UBE2L3: variants seen among roughly 807,000 people sequenced by gnomAD.
UBE2L3 encodes ubiquitin-conjugating enzyme E2 L3.
Under a neutral mutation model 17.8 loss-of-function variants are expected in UBE2L3, and 1 was observed. The ratio of observed to expected loss-of-function variants is 0.06; its 90% CI spans 0.02 to 0.27. The LOEUF (loss-of-function observed/expected upper bound fraction) is 0.27. Among genes scored for constraint, UBE2L3 ranks in the 10% least tolerant of loss-of-function variants. The probability of loss-of-function intolerance (pLI) is 1.00; values close to 1 mark genes in which losing one functional copy is unlikely to be tolerated. For missense variants in UBE2L3, 40 were observed against 192.6 expected (o/e 0.21, Z 4.69); for synonymous variants, 44 against 68.5 (o/e 0.64, Z 1.76).
intron 2 of UBE2L3, among the ~76,000 whole-genome samples, chr22:21,595,862 T>A (rs1429036927): frequency 6.6e-6 from 1 of 152,112 alleles, no homozygotes; most frequent in Non-Finnish European, 1.5e-5. Flanking sequence ...TCAGCCTTTT[T>A]TCATGCAGTT....
rs1206872020 is a variant in UBE2L3 at position 21,557,053 on chromosome 22, C to CA, written c.201+7413dup. On this transcript the variant is annotated intron_variant, in intron 1 of 3. Transcript: ENST00000458578. ...TGGGCAACAGAGTGAGAGTCTGAGTCAAAAAAAAAAGAAAAAAAAATTAAC... is the reference window on the plus strand; with the variant it reads ...TGGGCAACAGAGTGAGAGTCTGAGTCAAAAAAAAAAAGAAAAAAAAATTAAC... Among the ~76,000 whole-genome samples, 206 of 147,092 alleles carry CA rather than the reference C, an allele frequency of 1.4e-3. 1 individual carries two copies. Among genetic ancestry groups the CA allele is most frequent in the African/African-American group, 3.7e-3 (145 of 39,638 alleles).
intron 1 of UBE2L3, among the ~76,000 whole-genome samples, chr22:21,573,783 C>T (rs1254438297): frequency 2.6e-5 from 4 of 152,172 alleles, no homozygotes; most frequent in East Asian, 1.9e-4. Flanking sequence ...GACCTTGTGC[C>T]GTCCCGCTTT....
chr22:21,574,373 T>C (rs1393110387), intron 1 of UBE2L3, among the ~76,000 whole-genome samples: 1 of 152,190 alleles, frequency 6.6e-6, no homozygotes, highest in East Asian at 1.9e-4. Context: ...TTAAATGAGT[T>C]AATATATACC....
chr22:21,616,930 G>A (rs370919844), intron 3 of UBE2L3, among the ~76,000 whole-genome samples: 7 of 151,990 alleles, frequency 4.6e-5, no homozygotes. Context: ...GAACAAAAGG[G>A]CCAGGCACGG....
chr22:21,581,962 C>A (rs1426647216), intron 1 of UBE2L3, among the ~76,000 whole-genome samples: 60 of 144,564 alleles, frequency 4.2e-4, no homozygotes, highest in African/African-American at 1.3e-3. Context: ...AAAAAAAAAA[C>A]AAAAATAATT....
intron 1 of UBE2L3, among the ~76,000 whole-genome samples, chr22:21,577,113 C>G (rs372088871): frequency 3.9e-5 from 6 of 151,944 alleles, no homozygotes; most frequent in African/African-American, 1.5e-4. Flanking sequence ...GGACTACAGG[C>G]GCTCGCCACT....
Position 21,582,478 on chromosome 22 carries a change from C to T in UBE2L3, c.28-10383C>T, listed in dbSNP as rs556104529. Among the ~76,000 whole-genome samples, 7 of 151,906 alleles carry T rather than the reference C, an allele frequency of 4.6e-5. No homozygotes were observed. In the South Asian group the frequency reaches 1.5e-3, roughly 32 times the overall value. ...AGGCTGTTCTCCTACCTCAGCCTCC[C>T]AAGTAGCTGGGATTACAGGCATGCA... is the stretch of plus-strand genomic sequence containing the variant. On this transcript the variant is annotated intron_variant, in intron 1 of 3. Coordinates refer to ENST00000342192, the MANE Select transcript of UBE2L3 (RefSeq NM_003347.4).
At chr22:21,612,715 A>T (rs568210638) in intron 3 of UBE2L3, among the ~76,000 whole-genome samples, 1 of 112,086 alleles carries the variant, frequency 8.9e-6, no homozygotes, top group South Asian at 3.0e-4. Context: ...GCCATCCCAG[A>T]TCACTGTAAC....
chr22:21,592,655 G>A (rs1601418161), intron 1 of UBE2L3, among the ~76,000 whole-genome samples: 1 of 152,156 alleles, frequency 6.6e-6, no homozygotes, highest in Non-Finnish European at 1.5e-5. Context: ...TTGGTCTGGG[G>A]CATGGGGAGA....
intron 1 of UBE2L3, among the ~76,000 whole-genome samples, chr22:21,587,238 T>C (rs1313471636): frequency 6.6e-6 from 1 of 151,754 alleles, no homozygotes; most frequent in Admixed American, 6.6e-5. Flanking sequence ...GTCACCAGGC[T>C]GGAGTGCAGT....
intron 1 of UBE2L3, among the ~76,000 whole-genome samples, chr22:21,586,140 G>C (rs1927923123): frequency 6.6e-6 from 1 of 152,056 alleles, no homozygotes; most frequent in East Asian, 1.9e-4. Context: ...ATAGGGTCTT[G>C]CTGTATTGCC....
At chr22:21,588,824 G>A (rs565505305) in intron 1 of UBE2L3, among the ~76,000 whole-genome samples, 15 of 152,072 alleles carry the variant, frequency 9.9e-5, no homozygotes, top group Admixed American at 3.9e-4. Flanking sequence ...CACCACGCCC[G>A]GCTAATTTTT....
chr22:21,603,899 G>GT (rs1161694216), intron 2 of UBE2L3, among the ~76,000 whole-genome samples: 3 of 138,592 alleles, frequency 2.2e-5, no homozygotes, highest in Non-Finnish European at 4.6e-5. Flanking sequence ...TTGAAAAGGT[G>GT]TTTTTTGATT....
chr22:21,615,719 C>T (rs1045317002), intron 3 of UBE2L3, among the ~76,000 whole-genome samples: 1 of 152,178 alleles, frequency 6.6e-6, no homozygotes, highest in Non-Finnish European at 1.5e-5. Flanking sequence ...TCAATACTCT[C>T]GGCACTCGTC....
At chr22:21,578,364 G>GAA (rs34977459) in intron 1 of UBE2L3, among the ~76,000 whole-genome samples, 2 of 127,574 alleles carry the variant, frequency 1.6e-5, no homozygotes, top group Non-Finnish European at 3.4e-5. Flanking sequence ...TGTCTCGAAA[G>GAA]AAAAAAAAAA....
intron 2 of UBE2L3, among the ~76,000 whole-genome samples, chr22:21,596,946 A>T (rs1343006888): frequency 1.3e-5 from 2 of 151,834 alleles, no homozygotes; most frequent in Non-Finnish European, 2.9e-5. Context: ...CATACTAAGG[A>T]TGTAGAACAT....
upstream of UBE2L3, among the ~76,000 whole-genome samples, chr22:21,566,929 C>T (rs776876912): frequency 2.4e-4 from 37 of 152,306 alleles, no homozygotes; most frequent in South Asian, 4.1e-4. Flanking sequence ...GGGCAAGTCA[C>T]TGGCTTCTTC....
intron 2 of UBE2L3, among the ~76,000 whole-genome samples, chr22:21,606,183 C>G (rs1206940825): frequency 6.6e-6 from 1 of 152,254 alleles, no homozygotes; most frequent in African/African-American, 2.4e-5. Flanking sequence ...CACCCCAGCT[C>G]CTCGGACAGG....
At chr22:21,583,139 G>GC (rs1568975550) in intron 1 of UBE2L3, among the ~76,000 whole-genome samples, 1 of 152,020 alleles carries the variant, frequency 6.6e-6, no homozygotes, top group Non-Finnish European at 1.5e-5. Flanking sequence ...CTTCCCTAAC[G>GC]CCCCCACTGA....
Sources: gnomAD v4.1 joint callset for allele counts (sites outside exome capture counted in the v4.1 genomes callset) on GRCh38, gnomAD v4.1.1 for gene constraint, MANE v1.5 for transcripts, NCBI Gene and HGNC (gene_info 2026-07-23, HGNC 2026-07-21) for gene names.